The following FAM171A1 variants were observed in gnomAD, a reference collection of about 807,000 sequenced individuals.
FAM171A1 encodes protein FAM171A1.
A neutral mutation model predicts 74.9 loss-of-function variants in FAM171A1; 23 were observed. That is an observed-to-expected ratio of 0.31 (90% CI 0.22 to 0.44). FAM171A1 has a LOEUF of 0.44. Ranked by LOEUF, FAM171A1 falls within the 20% of genes least tolerant of loss-of-function variation. The pLI, the probability that FAM171A1 is intolerant of heterozygous loss-of-function variation, is 1.00. For synonymous variants in FAM171A1, 527 were observed against 505.7 expected, an observed-to-expected ratio of 1.04 and a Z score of -0.57; for missense variants, 1,162 against 1,159.2, an observed-to-expected ratio of 1.00 and a Z score of -0.03.
intron 2 of FAM171A1, among the ~76,000 whole-genome samples, chr10:15,279,951 G>A (rs1003448049): frequency 1.3e-5 from 2 of 152,104 alleles, no homozygotes; most frequent in African/African-American, 4.8e-5. Context: ...GCTGAGTGTG[G>A]TGGCGTGCAC....
rs141913498 is a variant in FAM171A1 at position 15,349,198 on chromosome 10, C to T, written c.97+21758G>A. Among the ~76,000 whole-genome samples the T allele has an allele frequency of 1.5e-3, 223 of 152,262 alleles. 1 individual carries two copies. The highest frequency in any genetic ancestry group is 2.8e-4 in the Non-Finnish European group (19 of 68,026). On this transcript the variant is annotated intron_variant, in intron 1 of 7. Coordinates refer to ENST00000378116, the MANE Select transcript of FAM171A1 (RefSeq NM_001010924.2). ...ATGTAATTAGGACTACACAGAAAGGCGCCCTAGAAAATACAGAACAGGGCT... is the reference window on the plus strand; with the variant it reads ...ATGTAATTAGGACTACACAGAAAGGTGCCCTAGAAAATACAGAACAGGGCT...
At chr10:15,341,516 A>G (rs1049805431) in intron 1 of FAM171A1, among the ~76,000 whole-genome samples, 34 of 152,358 alleles carry the variant, frequency 2.2e-4, no homozygotes, top group African/African-American at 7.5e-4. Flanking sequence ...ACTATGCATT[A>G]AAGAAGATTT....
intron 1 of FAM171A1, among the ~76,000 whole-genome samples, chr10:15,361,508 C>T (rs1349455837): frequency 6.6e-6 from 1 of 152,086 alleles, no homozygotes; most frequent in South Asian, 2.1e-4. Context: ...CATGGTAAAA[C>T]CCTGTCTCTA....
chr10:15,331,859 G>GTATACATATATATATA (rs58855042), intron 1 of FAM171A1, among the ~76,000 whole-genome samples: 3 of 44,930 alleles, frequency 6.7e-5, no homozygotes, highest in East Asian at 1.1e-3. Flanking sequence ...ATATATGTGT[G>GTATACATATATATATA]TATATATATG....
At chr10:15,353,472 A>G (rs550443335) in intron 1 of FAM171A1, among the ~76,000 whole-genome samples, 1 of 152,272 alleles carries the variant, frequency 6.6e-6, no homozygotes, top group South Asian at 2.1e-4. Context: ...TTCCTGTCAC[A>G]TGAAACCCTA....
At chr10:15,293,030 CATTG>C (rs1457072313) in intron 1 of FAM171A1, among the ~76,000 whole-genome samples, 9 of 152,294 alleles carry the variant, frequency 5.9e-5, no homozygotes, top group African/African-American at 1.9e-4. Context: ...TTATGCGTGA[CATTG>C]ATTAATTATA....
At chr10:15,222,670 C>A (rs1486669543) in intron 5 of FAM171A1, among the ~76,000 whole-genome samples, 1 of 152,232 alleles carries the variant, frequency 6.6e-6, no homozygotes, top group Non-Finnish European at 1.5e-5. Flanking sequence ...AAGAAAGAAA[C>A]AACACTTGGG....
At chr10:15,294,191 T>G (rs1835134462) in intron 1 of FAM171A1, among the ~76,000 whole-genome samples, 1 of 152,194 alleles carries the variant, frequency 6.6e-6, no homozygotes, top group Non-Finnish European at 1.5e-5. Context: ...TAAATGTCTT[T>G]TCTCATTAAA....
chr10:15,332,095 G>C (rs1835646138), intron 1 of FAM171A1, among the ~76,000 whole-genome samples: 1 of 151,492 alleles, frequency 6.6e-6, no homozygotes. Context: ...TGGGATTACA[G>C]GTGGGCACCA....
intron 1 of FAM171A1, among the ~76,000 whole-genome samples, chr10:15,302,604 C>A (rs1295436914): frequency 6.6e-6 from 1 of 150,490 alleles, no homozygotes; most frequent in Non-Finnish European, 1.5e-5. Context: ...GTTTTCCTCT[C>A]CAAGCATTAG....
chr10:15,335,419 G>C (rs924542567), intron 1 of FAM171A1, among the ~76,000 whole-genome samples: 18 of 152,146 alleles, frequency 1.2e-4, no homozygotes, highest in African/African-American at 4.3e-4. Context: ...ATGAACAAAT[G>C]CTGCTTTCAA....
rs557904601 is a variant in FAM171A1, at chr10:15,324,445, C to T, written c.98-40340G>A. ...ACTGTAACCAAATATATTCTATCCC[C>T]ATAACGTATCGTGAATATTCCAAAT... On this transcript the variant is annotated intron_variant, in intron 1 of 7. Coordinates refer to ENST00000378116, the MANE Select transcript of FAM171A1 (RefSeq NM_001010924.2). Among the ~76,000 whole-genome samples the T allele has an allele frequency of 5.9e-5, 9 of 152,314 alleles. No individual in the cohort carries two copies. In the South Asian group the frequency reaches 1.5e-3, roughly 25 times the overall value.
rs1312213711 is a variant in FAM171A1 at position 15,331,805 on chromosome 10, GTATATATGTGGGTA to G, written c.97+39137_97+39150del. ...TGTATAGATGTGTGTGTGTATATAT[GTATATATGTGGGTA>G]TATATATGTGTGTATATATATGTGT... is the stretch of plus-strand genomic sequence containing the variant. On this transcript the variant is annotated intron_variant, in intron 1 of 7. Coordinates refer to ENST00000378116, the MANE Select transcript of FAM171A1 (RefSeq NM_001010924.2). Among the ~76,000 whole-genome samples the G allele has an allele frequency of 1.1e-3, 138 of 125,828 alleles. 1 individual carries two copies. The East Asian group carries it at 0.016, about 15-fold the overall frequency. 82.5% of individuals were successfully genotyped at this position (125,828 alleles called of 152,430 possible). A position where few individuals can be genotyped will look rare whatever the true frequency, so the allele number is the denominator to read the frequency against.
At chr10:15,320,983 G>T (rs537039179) in intron 1 of FAM171A1, among the ~76,000 whole-genome samples, 1 of 152,140 alleles carries the variant, frequency 6.6e-6, no homozygotes, top group African/African-American at 2.4e-5. Context: ...GATGTAACAC[G>T]GGTGAATGCT....
At chr10:15,327,270 G>T (rs1326154587) in intron 1 of FAM171A1, among the ~76,000 whole-genome samples, 2 of 152,128 alleles carry the variant, frequency 1.3e-5, no homozygotes, top group Non-Finnish European at 1.5e-5. Context: ...ATTATTAGGG[G>T]AATAAACCAG....
chr10:15,221,057 G>T lies in FAM171A1; in HGVS notation c.758C>A (p.Thr253Lys). 6.2e-7 allele frequency: 1 copy of T among 1,613,520 alleles called. No homozygotes were observed. The highest frequency in any genetic ancestry group is 2.2e-5 in the East Asian group (1 of 44,884). ...AAWRFDQKLG[T>K]WLKSGLGLVH... ...AAGACCCAGACCGCTCTTCAGCCAC[G>T]TTCCTGTGGAATTGAGAAAGAGATG... Residue 253 changes from threonine (T) to lysine (K), a missense_variant, in exon 6 of 8, where the codon ACG becomes AAG. Transcript: ENST00000378116.
At chr10:15,260,774 T>G (rs12355156) in intron 3 of FAM171A1, among the ~76,000 whole-genome samples, 47,343 of 151,910 alleles carry the variant, frequency 0.31, 8,213 homozygotes, top group Middle Eastern at 0.46. Context: ...TGTTTGGGGG[T>G]GTCCCATGCA....
chr10:15,273,970 G>A (rs1834860854), intron 3 of FAM171A1, among the ~76,000 whole-genome samples: 1 of 152,114 alleles, frequency 6.6e-6, no homozygotes, highest in Non-Finnish European at 1.5e-5. Flanking sequence ...TTTGAAAACT[G>A]GCATAAGACA....
At chr10:15,220,428 G>A (rs1040854919) in intron 6 of FAM171A1, among the ~76,000 whole-genome samples, 3 of 152,150 alleles carry the variant, frequency 2.0e-5, no homozygotes, top group Non-Finnish European at 4.4e-5. Flanking sequence ...ATAAACTATT[G>A]GTCACGTTCT....
Sources: allele counts gnomAD v4.1 joint callset (sites outside exome capture counted in the v4.1 genomes callset), GRCh38; gene constraint gnomAD v4.1.1; transcripts MANE v1.5; gene names NCBI Gene and HGNC (gene_info 2026-07-23, HGNC 2026-07-21).